PCDH11X: variants seen among roughly 807,000 people sequenced by gnomAD.
PCDH11X encodes protocadherin 11 X-linked.
In PCDH11X, 18 loss-of-function variants were observed where a neutral mutation model predicts 53.3. That is an observed-to-expected ratio of 0.34 (90% CI 0.23 to 0.50). The LOEUF is 0.50. Ranked by LOEUF, PCDH11X falls within the 20% of genes least tolerant of loss-of-function variation. The pLI, the probability that PCDH11X is intolerant of heterozygous loss-of-function variation, is 0.98. For missense variants in PCDH11X, 570 were observed against 1,032.4 expected, an observed-to-expected ratio of 0.55 and a Z score of 6.14; for synonymous variants, 279 against 393.3, an observed-to-expected ratio of 0.71 and a Z score of 3.44.
At chrX:92,090,744 C>A (rs1801602193) in intron 6 of PCDH11X, among the ~76,000 whole-genome samples, 2 of 110,666 alleles carry the variant, frequency 1.8e-5, no homozygotes, top group Admixed American at 1.9e-4. Context: ...ACAGAGCAAT[C>A]TATGACAATT....
chrX:92,502,337 A>C (rs1362684951), intron 10 of PCDH11X, among the ~76,000 whole-genome samples: 1 of 103,601 alleles, frequency 9.7e-6, no homozygotes, highest in East Asian at 2.9e-4. Context: ...TTAAACTACC[A>C]TTGACATTCT....
chrX:92,106,952 A>C (rs1237422194), intron 6 of PCDH11X, among the ~76,000 whole-genome samples: 1 of 111,490 alleles, frequency 9.0e-6, no homozygotes, highest in Admixed American at 9.5e-5. Context: ...GATAAGAAAC[A>C]TTTACAATCT....
At chrX:91,930,262 G>T (rs1335166735) in intron 6 of PCDH11X, among the ~76,000 whole-genome samples, 1 of 108,588 alleles carries the variant, frequency 9.2e-6, no homozygotes. Context: ...AAATATAAAA[G>T]ACTACCAAAA....
At position 92,347,936 on chromosome X, in the gene PCDH11X, T is replaced by C. The variant is rs777922503; in HGVS notation, c.3145-39799T>C. 2.7e-5 allele frequency among the ~76,000 whole-genome samples: 3 copies of C among 111,468 alleles called. No homozygotes were observed. In the South Asian group the frequency reaches 1.1e-3, roughly 42 times the overall value. On this transcript the variant is annotated intron_variant, in intron 8 of 10. Transcript: ENST00000682573. ...CATTTTTGTTTATGGACCATAGAGA[T>C]TACATGAAAGAAAAAGACATTATAC... is the stretch of plus-strand genomic sequence containing the variant.
intron 6 of PCDH11X, among the ~76,000 whole-genome samples, chrX:92,197,154 C>G (rs1275111470): frequency 2.7e-5 from 3 of 111,243 alleles, no homozygotes; most frequent in African/African-American, 9.8e-5. Context: ...ACTGTTGCAC[C>G]ATATTGTTGA....
intron 10 of PCDH11X, among the ~76,000 whole-genome samples, chrX:92,530,715 T>G (rs1467403367): frequency 8.9e-6 from 1 of 112,426 alleles, no homozygotes; most frequent in Non-Finnish European, 1.9e-5. Flanking sequence ...AGCTTAAGTT[T>G]TTTTTCATCT....
intron 5 of PCDH11X, among the ~76,000 whole-genome samples, chrX:91,842,553 G>T (rs1052303425): frequency 3.7e-5 from 4 of 107,299 alleles, no homozygotes; most frequent in African/African-American, 1.1e-4. Flanking sequence ...TAAAAATATC[G>T]CTAGTTATCT....
intron 8 of PCDH11X, among the ~76,000 whole-genome samples, chrX:92,384,803 A>C: frequency 9.5e-6 from 1 of 105,492 alleles, no homozygotes; most frequent in Non-Finnish European, 2.0e-5. Flanking sequence ...AGAATCTTGT[A>C]GCCTCCAGCT....
intron 4 of PCDH11X, among the ~76,000 whole-genome samples, chrX:91,833,162 G>C (rs1937172853): frequency 9.5e-6 from 1 of 104,742 alleles, no homozygotes; most frequent in Non-Finnish European, 2.0e-5. Context: ...TAATACCTAA[G>C]GGTAAGATAA....
intron 9 of PCDH11X, among the ~76,000 whole-genome samples, chrX:92,457,488 A>C (rs1445240255): frequency 9.2e-6 from 1 of 108,954 alleles, no homozygotes; most frequent in Non-Finnish European, 1.9e-5. Context: ...TCACAACTTC[A>C]GTCCATGCTA....
chrX:91,948,550 T>C (rs1176782427), intron 6 of PCDH11X, among the ~76,000 whole-genome samples: 1 of 110,912 alleles, frequency 9.0e-6, no homozygotes, highest in Non-Finnish European at 1.9e-5. Context: ...TACACTAAGA[T>C]GTTGCAATCA....
chrX:92,560,968 T>A (rs2075123065), intron 10 of PCDH11X, among the ~76,000 whole-genome samples: 1 of 104,181 alleles, frequency 9.6e-6, no homozygotes, highest in Admixed American at 1.0e-4. Context: ...CATCACAACA[T>A]CCCCGGCCTC....
intron 6 of PCDH11X, among the ~76,000 whole-genome samples, chrX:92,147,811 C>T (rs867593623): frequency 1.7e-4 from 6 of 36,313 alleles, no homozygotes; most frequent in African/African-American, 6.6e-4. Context: ...TTCTTCCTTC[C>T]TTTCTTTCTT....
chrX:92,563,460 G>A (rs1392294496), intron 10 of PCDH11X, among the ~76,000 whole-genome samples: 2 of 107,833 alleles, frequency 1.9e-5, no homozygotes, highest in African/African-American at 3.4e-5. Flanking sequence ...TTTGGGCCAG[G>A]AAGCACATTC....
chrX:92,073,805 T>C (rs908906674), intron 6 of PCDH11X, among the ~76,000 whole-genome samples: 4 of 111,443 alleles, frequency 3.6e-5, no homozygotes, highest in Non-Finnish European at 5.7e-5. Context: ...GTTTGTTTTG[T>C]ACAGAAAAAT....
At chrX:92,345,919 C>T (rs1470157596) in intron 8 of PCDH11X, among the ~76,000 whole-genome samples, 1 of 108,265 alleles carries the variant, frequency 9.2e-6, no homozygotes, top group African/African-American at 3.3e-5. Context: ...AAAGTACTAG[C>T]TTCTAATGTG....
Position 92,466,337 on chromosome X carries a change from C to A in PCDH11X, c.3344-1962C>A, listed in dbSNP as rs769464677. On this transcript the variant is annotated intron_variant, in intron 9 of 10. Coordinates refer to ENST00000682573, the MANE Select transcript of PCDH11X (RefSeq NM_032968.5). ...AAATGTCAATGATAAACCTTTAAAC[C>A]TTAATTAAAAATTACTCTGAGATTT... is the stretch of plus-strand genomic sequence containing the variant. Among the ~76,000 whole-genome samples, 25 of 109,406 alleles carry A rather than the reference C, an allele frequency of 2.3e-4. No individual in the cohort carries two copies. The East Asian group carries it at 7.1e-3, about 31-fold the overall frequency.
intron 6 of PCDH11X, among the ~76,000 whole-genome samples, chrX:92,031,857 G>T (rs542536604): frequency 9.0e-6 from 1 of 111,682 alleles, no homozygotes; most frequent in African/African-American, 3.3e-5. Context: ...TGTTTTTAAT[G>T]TCAGTGCATG....
intron 10 of PCDH11X, among the ~76,000 whole-genome samples, chrX:92,588,342 G>A (rs1321260055): frequency 3.1e-5 from 3 of 95,500 alleles, no homozygotes; most frequent in Non-Finnish European, 6.1e-5. Context: ...CTAGTGGTTG[G>A]TGGATTTTCA....
Sources: allele counts gnomAD v4.1 joint callset (sites outside exome capture counted in the v4.1 genomes callset), GRCh38; gene constraint gnomAD v4.1.1; transcripts MANE v1.5; gene names NCBI Gene and HGNC (gene_info 2026-07-23, HGNC 2026-07-21).